The following PARP8 variants were observed in gnomAD, a reference collection of about 807,000 sequenced individuals.
PARP8 encodes the protein protein mono-ADP-ribosyltransferase PARP8.
Under a neutral mutation model 124.1 loss-of-function variants are expected in PARP8, and 51 were observed. That is an observed-to-expected ratio of 0.41 (90% CI 0.33 to 0.52). PARP8 has a LOEUF of 0.52. Among genes scored for constraint, PARP8 ranks in the 20% least tolerant of loss-of-function variants. The pLI is 0.21. For synonymous variants in PARP8, 391 were observed against 361.5 expected, an observed-to-expected ratio of 1.08 and a Z score of -0.93; for missense variants, 860 against 1,018.9, an observed-to-expected ratio of 0.84 and a Z score of 2.12.
intron 23 of PARP8, 127 bp downstream of exon 23, chr5:50,832,981 TA>T (rs1747152361): frequency 1.3e-6 from 1 of 743,992 alleles, no homozygotes; most frequent in Non-Finnish European, 2.2e-6. Context: ...TATAAAGGAA[TA>T]AAACTCACTC....
intron 7 of PARP8, among the ~76,000 whole-genome samples, chr5:50,768,736 C>T (rs1761297445): frequency 1.3e-5 from 2 of 152,128 alleles, no homozygotes; most frequent in South Asian, 4.1e-4. Flanking sequence ...TTCATGAGAT[C>T]CTGGGCCACT....
chr5:50,724,063 C>T (rs1756172447), intron 2 of PARP8, among the ~76,000 whole-genome samples: 2 of 152,048 alleles, frequency 1.3e-5, no homozygotes, highest in Non-Finnish European at 2.9e-5. Flanking sequence ...CTTAAGTGGT[C>T]CACCCTACTC....
At chr5:50,759,949 T>G (rs1760377383) in intron 4 of PARP8, among the ~76,000 whole-genome samples, 1 of 152,164 alleles carries the variant, frequency 6.6e-6, no homozygotes, top group African/African-American at 2.4e-5. Context: ...GTAAATGTAT[T>G]ATGCTGACAT....
intron 2 of PARP8, among the ~76,000 whole-genome samples, chr5:50,697,148 C>T (rs1753123258): frequency 6.6e-6 from 1 of 152,106 alleles, no homozygotes; most frequent in Non-Finnish European, 1.5e-5. Context: ...CCCAGCTACT[C>T]AGGAGGCTGA....
intron 14 of PARP8, among the ~76,000 whole-genome samples, chr5:50,810,271 A>G (rs1744292813): frequency 6.6e-6 from 1 of 152,016 alleles, no homozygotes; most frequent in Non-Finnish European, 1.5e-5. Context: ...AATAGGTAGT[A>G]TTTTACAAAT....
chr5:50,759,741 A>T lies in PARP8; in HGVS notation c.274+9A>T, dbSNP rs1434157020. On this transcript the variant is annotated intron_variant, in intron 4 of 25. Transcript: ENST00000281631. ...TCATAGAATAGCAACAGGTAATAGT[A>T]GTATTATTTTTTATACTAGGTTAAT... The T allele has an allele frequency of 6.5e-7, 1 of 1,549,310 alleles. No individual in the cohort carries two copies. The highest frequency in any genetic ancestry group is 1.4e-5 in the African/African-American group (1 of 70,466).
chr5:50,758,481 A>G (rs1760198250), intron 3 of PARP8, among the ~76,000 whole-genome samples: 1 of 152,194 alleles, frequency 6.6e-6, no homozygotes, highest in African/African-American at 2.4e-5. Flanking sequence ...CTTTGGAAAT[A>G]ATGACTTAGA....
intron 2 of PARP8, among the ~76,000 whole-genome samples, chr5:50,721,948 A>G (rs1412900257): frequency 3.9e-5 from 6 of 152,218 alleles, no homozygotes; most frequent in Non-Finnish European, 5.9e-5. Context: ...TCCTGTATCT[A>G]TATCATGCCC....
At chr5:50,814,723 T>C (rs1744893934) in intron 14 of PARP8, among the ~76,000 whole-genome samples, 1 of 152,152 alleles carries the variant, frequency 6.6e-6, no homozygotes, top group Admixed American at 6.6e-5. Context: ...TTTTGTCTGC[T>C]GTGCAGAGGC....
chr5:50,752,400 C>T (rs1561328568), intron 3 of PARP8, among the ~76,000 whole-genome samples: 3 of 151,920 alleles, frequency 2.0e-5, no homozygotes, highest in Admixed American at 6.6e-5. Context: ...TATTTTTCTG[C>T]CATGATTATT....
chr5:50,832,255 A>G (rs1747068058), intron 22 of PARP8, among the ~76,000 whole-genome samples: 1 of 152,182 alleles, frequency 6.6e-6, no homozygotes, highest in South Asian at 2.1e-4. Flanking sequence ...GCTTTTCTAA[A>G]TTATTCACAG....
intron 14 of PARP8, among the ~76,000 whole-genome samples, chr5:50,805,739 A>G (rs1241381091): frequency 1.3e-5 from 2 of 152,092 alleles, no homozygotes; most frequent in African/African-American, 2.4e-5. Context: ...GAACACAATC[A>G]TCTGTCAGAT....
chr5:50,714,838 C>T (rs1052942878), intron 2 of PARP8, among the ~76,000 whole-genome samples: 2 of 152,076 alleles, frequency 1.3e-5, no homozygotes, highest in African/African-American at 4.8e-5. Context: ...GTCTTTAAGG[C>T]AGCCACTGCT....
At position 50,822,320 on chromosome 5, in the gene PARP8, T is replaced by C. The variant is rs1745853222; in HGVS notation, c.1795-15T>C. 1 of 1,592,928 alleles carries C rather than the reference T, an allele frequency of 6.3e-7. No individual in the cohort carries two copies. The highest frequency in any genetic ancestry group is 8.6e-7 in the Non-Finnish European group (1 of 1,161,388). ...AGCAAATGCTGTTTTTTAACATCAC[T>C]TTTTCATTAAACAGAAAAAGAACTA... is the stretch of plus-strand genomic sequence containing the variant. On this transcript the variant is annotated splice_polypyrimidine_tract_variant and intron_variant, in intron 16 of 25. Transcript: ENST00000281631.
chr5:50,730,599 C>T (rs71615981), intron 2 of PARP8, among the ~76,000 whole-genome samples: 10,226 of 152,144 alleles, frequency 0.067, 382 homozygotes, highest in Middle Eastern at 0.11. Context: ...GATTTGGTTG[C>T]GGACACAGCC....
chr5:50,830,890 A>G (rs187391680), intron 22 of PARP8, among the ~76,000 whole-genome samples: 1 of 152,006 alleles, frequency 6.6e-6, no homozygotes. Context: ...TGTCATTCAC[A>G]TGGTGCCTGA....
intron 7 of PARP8, among the ~76,000 whole-genome samples, chr5:50,775,034 T>C (rs154134): frequency 0.18 from 22,966 of 129,202 alleles, 2,094 homozygotes; most frequent in African/African-American, 0.31. Flanking sequence ...ACTTCCTAGA[T>C]GGGGTGGCAG....
At chr5:50,707,649 GA>G (rs1754294632) in intron 2 of PARP8, among the ~76,000 whole-genome samples, 1 of 151,652 alleles carries the variant, frequency 6.6e-6, no homozygotes. Context: ...GAGAGAGAGA[GA>G]GAGAGAGAGA....
chr5:50,747,163 GTTTTTTT>G (rs1211253892), intron 2 of PARP8, among the ~76,000 whole-genome samples: 1 of 95,504 alleles, frequency 1.0e-5, no homozygotes, highest in Admixed American at 1.1e-4. Flanking sequence ...TGTTTGTTTT[GTTTTTTT>G]TTTTTTTTTT....
Sources: gnomAD v4.1 joint callset for allele counts (sites outside exome capture counted in the v4.1 genomes callset) on GRCh38, gnomAD v4.1.1 for gene constraint, MANE v1.5 for transcripts, NCBI Gene and HGNC (gene_info 2026-07-23, HGNC 2026-07-21) for gene names.